BIN1: variants seen among roughly 807,000 people sequenced by gnomAD.
BIN1 encodes myc box-dependent-interacting protein 1.
Under a neutral mutation model 82.0 loss-of-function variants are expected in BIN1, and 53 were observed. The observed-to-expected ratio is 0.65, with a 90% CI of 0.52 to 0.81. The LOEUF is 0.81. Among genes scored for constraint, BIN1 ranks in the 40% least tolerant of loss-of-function variants. The pLI is 0.00. For synonymous variants in BIN1, 302 were observed against 328.0 expected (o/e 0.92, Z 0.86); for missense variants, 642 against 784.4 (o/e 0.82, Z 2.17).
chr2:127,048,452 A>C lies in BIN1; in HGVS notation c.*74T>G. ...TTCAAAAGATGAAAAACGAAAACAA[A>C]ACAAAAAAAAGAACCACACATTTTT... On this transcript the variant is annotated 3_prime_UTR_variant, in exon 19 of 19. Coordinates refer to ENST00000316724, the MANE Select transcript of BIN1 (RefSeq NM_139343.3). 6.9e-7 allele frequency: 1 copy of C among 1,443,560 alleles called. No homozygotes were observed. The highest frequency in any genetic ancestry group is 9.7e-7 in the Non-Finnish European group (1 of 1,029,514). The allele number at this position is 1,443,560 out of a possible 1,614,324, so 89.4% of individuals were successfully genotyped here.
chr2:127,083,199 C>T (rs1172480520), intron 1 of BIN1, among the ~76,000 whole-genome samples: 2 of 151,902 alleles, frequency 1.3e-5, no homozygotes, highest in East Asian at 3.9e-4. Flanking sequence ...GATCCGCCCA[C>T]CTCAGCGTCC....
intron 1 of BIN1, among the ~76,000 whole-genome samples, chr2:127,091,333 G>A (rs1046359940): frequency 2.0e-5 from 3 of 152,170 alleles, no homozygotes; most frequent in African/African-American, 7.2e-5. Context: ...GCCTCACCCT[G>A]GCCTGTCCAG....
Position 127,082,685 on chromosome 2 carries a change from C to G in BIN1, c.85-5979G>C, listed in dbSNP as rs567503917. Among the ~76,000 whole-genome samples, 1 of 152,318 alleles carries G rather than the reference C, an allele frequency of 6.6e-6. No homozygotes were observed. The highest frequency in any genetic ancestry group is 2.1e-4 in the South Asian group (1 of 4,826). Reference sequence around the variant, plus strand: ...AGTCACCTAGTTCCCCAGCACACAACCCCTCCTCCAAGCCCATCTCTCAAA... The same window carrying G: ...AGTCACCTAGTTCCCCAGCACACAAGCCCTCCTCCAAGCCCATCTCTCAAA... On this transcript the variant is annotated intron_variant, in intron 1 of 18. Transcript: ENST00000316724. This position sits in a 1 kb window ranked among gnomAD's most constrained non-coding sequence, Gnocchi z 6.1.
chr2:127,089,493 G>C (rs1177885396), intron 1 of BIN1, among the ~76,000 whole-genome samples: 1 of 152,192 alleles, frequency 6.6e-6, no homozygotes, highest in African/African-American at 2.4e-5. Context: ...CCTGAGATGG[G>C]GACACGTGTT....
chr2:127,068,295 C>A lies in BIN1; in HGVS notation c.520-40G>T. 1 of 1,533,542 alleles carries A rather than the reference C, an allele frequency of 6.5e-7. No homozygotes were observed. Among genetic ancestry groups the A allele is most frequent in the Non-Finnish European group, 8.9e-7 (1 of 1,117,970 alleles). The allele number at this position is 1,533,542 out of a possible 1,614,324, so 95.0% of individuals were successfully genotyped here. A position where few individuals can be genotyped will look rare whatever the true frequency, so the allele number is the denominator to read the frequency against. On this transcript the variant is annotated intron_variant, in intron 6 of 18. Coordinates refer to ENST00000316724, the MANE Select transcript of BIN1 (RefSeq NM_139343.3). The surrounding 1 kb of genome is among the most constrained non-coding windows in gnomAD (Gnocchi z 4.9). ...TCAAGGCAAAGGAAGGTGGAGAGAC[C>A]AGGGAGGTGGGGAGAGAGAAACAGA...
Position 127,093,677 on chromosome 2 carries a change from TC to T in BIN1, c.84+13182del, listed in dbSNP as rs766273910. On this transcript the variant is annotated intron_variant, in intron 1 of 18. Coordinates refer to ENST00000316724, the MANE Select transcript of BIN1 (RefSeq NM_139343.3). This position sits in a 1 kb window ranked among gnomAD's most constrained non-coding sequence, Gnocchi z 5.7. ...TCCTTGCATCTTCATCGTTGAAGGC[TC>T]CCGTGTCATGTAAAACATTGATTAA... Among the ~76,000 whole-genome samples, 5 of 152,216 alleles carry T rather than the reference TC, an allele frequency of 3.3e-5. No individual in the cohort carries two copies. In the East Asian group the frequency reaches 7.7e-4, roughly 23 times the overall value.
chr2:127,077,776 G>A (rs1201494418), intron 1 of BIN1, among the ~76,000 whole-genome samples: 1 of 152,160 alleles, frequency 6.6e-6, no homozygotes, highest in Non-Finnish European at 1.5e-5. Context: ...GGGTGGCGGC[G>A]GGACACACCC....
rs1363204978 is a variant in BIN1, at chr2:127,093,460, C to T, written c.84+13400G>A. ...CCTTCACCCCTGAAGACCCTCATTC[C>T]ACAGGGGTCCTGCGCTGTATGTGGG... On this transcript the variant is annotated intron_variant, in intron 1 of 18. Coordinates refer to ENST00000316724, the MANE Select transcript of BIN1 (RefSeq NM_139343.3). This position sits in a 1 kb window ranked among gnomAD's most constrained non-coding sequence, Gnocchi z 5.7. 1.3e-5 allele frequency among the ~76,000 whole-genome samples: 2 copies of T among 152,206 alleles called. No homozygotes were observed. Among genetic ancestry groups the T allele is most frequent in the African/African-American group, 4.8e-5 (2 of 41,452 alleles).
At chr2:127,097,016 T>C (rs1679685950) in intron 1 of BIN1, among the ~76,000 whole-genome samples, 1 of 151,634 alleles carries the variant, frequency 6.6e-6, no homozygotes, top group African/African-American at 2.4e-5. Context: ...TGCCCCCATC[T>C]CCATCCACAC....
intron 18 of BIN1, 150 bp downstream of exon 18, chr2:127,050,271 T>G: frequency 1.3e-6 from 1 of 755,432 alleles, no homozygotes. Context: ...AAGCCCGACG[T>G]GGAGGGCGGG....
rs1050451383 is a variant in BIN1 at position 127,090,592 on chromosome 2, G to A, written c.85-13886C>T. Among the ~76,000 whole-genome samples, 2 of 152,158 alleles carry A rather than the reference G, an allele frequency of 1.3e-5. No individual in the cohort carries two copies. Among genetic ancestry groups the A allele is most frequent in the Admixed American group, 6.5e-5 (1 of 15,280 alleles). On this transcript the variant is annotated intron_variant, in intron 1 of 18. Coordinates refer to ENST00000316724, the MANE Select transcript of BIN1 (RefSeq NM_139343.3). The surrounding 1 kb of genome is among the most constrained non-coding windows in gnomAD (Gnocchi z 6.4). ...TGGAATCTGCTTCTCCAGCCCACCC[G>A]CCTCCCACCCTCATCACCTGCTTCC...
chr2:127,051,059 G>A (rs1044499407), intron 16 of BIN1, 95 bp downstream of exon 16: 2 of 1,551,528 alleles, frequency 1.3e-6, no homozygotes, highest in Admixed American at 3.4e-5. Context: ...CAGGAGCCAG[G>A]CCTGGACCAG....
intron 8 of BIN1, 127 bp downstream of exon 8, chr2:127,063,806 T>C (rs1684809477): frequency 2.1e-6 from 3 of 1,430,440 alleles, no homozygotes; most frequent in African/African-American, 2.8e-5. Context: ...GCACACAGGC[T>C]GGGCACCGCA....
intron 1 of BIN1, among the ~76,000 whole-genome samples, chr2:127,080,995 C>T (rs1687220193): frequency 6.6e-6 from 1 of 152,188 alleles, no homozygotes; most frequent in African/African-American, 2.4e-5. Context: ...GGTGGGTGCC[C>T]CTCCCCAGCC....
chr2:127,057,230 C>A lies in BIN1; in HGVS notation c.1131+243G>T, dbSNP rs554211381. On this transcript the variant is annotated intron_variant, in intron 12 of 18. Transcript: ENST00000316724. The surrounding 1 kb of genome is among the most constrained non-coding windows in gnomAD (Gnocchi z 5.0). ...GAGGGCGCTGCTGATGTAACTGCTGCGCCGGGAGAGGCGGCACCTTCCCCT... is the reference window on the plus strand; with the variant it reads ...GAGGGCGCTGCTGATGTAACTGCTGAGCCGGGAGAGGCGGCACCTTCCCCT... Among the ~76,000 whole-genome samples, 1 of 152,234 alleles carries A rather than the reference C, an allele frequency of 6.6e-6. No individual in the cohort carries two copies. Among genetic ancestry groups the A allele is most frequent in the African/African-American group, 2.4e-5 (1 of 41,456 alleles).
At chr2:127,101,789 C>T (rs574788166) in intron 1 of BIN1, among the ~76,000 whole-genome samples, 1 of 152,294 alleles carries the variant, frequency 6.6e-6, no homozygotes, top group South Asian at 2.1e-4. Context: ...ACCCTCCACC[C>T]CTGTACACTG....
rs1452594344 is a variant in BIN1, at chr2:127,057,654, G to A, written c.1003-53C>T. The A allele has an allele frequency of 3.5e-5, 51 of 1,460,566 alleles. No individual in the cohort carries two copies. In the East Asian group the frequency reaches 1.2e-3, roughly 35 times the overall value. 90.5% of individuals were successfully genotyped at this position (1,460,566 alleles called of 1,614,324 possible). On this transcript the variant is annotated intron_variant, in intron 11 of 18. Transcript: ENST00000316724. This position sits in a 1 kb window ranked among gnomAD's most constrained non-coding sequence, Gnocchi z 5.0. ...GCGCGGGAAGGCACAGCAGAGCACGGGGTTTGGGGGAGACAGACAGAGACA... is the reference window on the plus strand; with the variant it reads ...GCGCGGGAAGGCACAGCAGAGCACGAGGTTTGGGGGAGACAGACAGAGACA...
intron 1 of BIN1, among the ~76,000 whole-genome samples, chr2:127,089,316 G>A (rs1678602468): frequency 6.6e-6 from 1 of 152,090 alleles, no homozygotes; most frequent in Non-Finnish European, 1.5e-5. Flanking sequence ...GGAAAGCTCT[G>A]AGCCAAGACT....
chr2:127,102,150 G>C (rs1243196405), intron 1 of BIN1, among the ~76,000 whole-genome samples: 1 of 152,188 alleles, frequency 6.6e-6, no homozygotes, highest in Non-Finnish European at 1.5e-5. Flanking sequence ...GAAACCCAGA[G>C]CCTGTGCACG....
Sources: allele counts gnomAD v4.1 joint callset (sites outside exome capture counted in the v4.1 genomes callset), GRCh38; gene constraint gnomAD v4.1.1; non-coding constraint Gnocchi (gnomAD v3.1); transcripts MANE v1.5; gene names NCBI Gene and HGNC (gene_info 2026-07-23, HGNC 2026-07-21).